ARHGAP22: variants seen among roughly 807,000 people sequenced by gnomAD.
ARHGAP22 encodes rho GTPase-activating protein 22.
Under a neutral mutation model 59.1 loss-of-function variants are expected in ARHGAP22, and 48 were observed. That is an observed-to-expected ratio of 0.81 (90% CI 0.64 to 1.03). The LOEUF (loss-of-function observed/expected upper bound fraction) is 1.03. Among genes scored for constraint, ARHGAP22 ranks in the 50% least tolerant of loss-of-function variants. The pLI is 0.00. For synonymous variants in ARHGAP22, 445 were observed against 416.4 expected (o/e 1.07, Z -0.84); for missense variants, 1,015 against 958.7 (o/e 1.06, Z -0.78).
chr10:48,572,775 A>G (rs1346174045), intron 2 of ARHGAP22, among the ~76,000 whole-genome samples: 1 of 152,154 alleles, frequency 6.6e-6, no homozygotes, highest in Non-Finnish European at 1.5e-5. Flanking sequence ...GCAATGCTTT[A>G]CGAAAAATAA....
chr10:48,504,373 G>C (rs2051855665), intron 3 of ARHGAP22, among the ~76,000 whole-genome samples: 2 of 152,198 alleles, frequency 1.3e-5, no homozygotes, highest in South Asian at 4.1e-4. Context: ...ATATGGGGTG[G>C]CCTGGATGGG....
chr10:48,528,832 G>A (rs1008835757), intron 3 of ARHGAP22, among the ~76,000 whole-genome samples: 2 of 151,992 alleles, frequency 1.3e-5, no homozygotes, highest in Non-Finnish European at 2.9e-5. Flanking sequence ...CTCTCTGTCT[G>A]TTACTTTCTT....
chr10:48,628,669 G>T (rs2061530195), intron 1 of ARHGAP22, among the ~76,000 whole-genome samples: 1 of 152,170 alleles, frequency 6.6e-6, no homozygotes, highest in African/African-American at 2.4e-5. Flanking sequence ...TGAACTTTTT[G>T]CAAGTTATCG....
At chr10:48,580,153 G>A (rs1377468693) in intron 2 of ARHGAP22, among the ~76,000 whole-genome samples, 2 of 152,176 alleles carry the variant, frequency 1.3e-5, no homozygotes, top group Middle Eastern at 3.2e-3. Flanking sequence ...ATGATTCAAC[G>A]TGCTCCCTGG....
chr10:48,603,359 T>A (rs942449696), intron 1 of ARHGAP22, among the ~76,000 whole-genome samples: 1 of 152,342 alleles, frequency 6.6e-6, no homozygotes, highest in Non-Finnish European at 1.5e-5. Context: ...CTAGTAGCTA[T>A]AGTAAAAGAA....
At chr10:48,582,492 T>TA (rs928257272) in intron 2 of ARHGAP22, among the ~76,000 whole-genome samples, 4 of 152,206 alleles carry the variant, frequency 2.6e-5, no homozygotes, top group Non-Finnish European at 5.9e-5. Context: ...AGCACCTTCT[T>TA]AAAATGTGGG....
At chr10:48,627,219 C>T (rs548724952) in intron 1 of ARHGAP22, among the ~76,000 whole-genome samples, 4 of 152,240 alleles carry the variant, frequency 2.6e-5, no homozygotes, top group Admixed American at 2.6e-4. Flanking sequence ...GTAGTGTTTT[C>T]CTGAGTTTTG....
chr10:48,547,414 G>C (rs565672799), intron 3 of ARHGAP22, among the ~76,000 whole-genome samples: 48 of 152,374 alleles, frequency 3.2e-4, no homozygotes, highest in African/African-American at 1.0e-3. Context: ...GGGGAGTTGG[G>C]GGGGAGGCCC....
intron 2 of ARHGAP22, among the ~76,000 whole-genome samples, chr10:48,573,205 G>A (rs910535304): frequency 1.3e-5 from 2 of 152,158 alleles, no homozygotes; most frequent in Non-Finnish European, 2.9e-5. Flanking sequence ...AACCTTCATA[G>A]GGTAAAGTTC....
At chr10:48,606,464 T>A (rs777905516), upstream of ARHGAP22, among the ~76,000 whole-genome samples, 4 of 152,320 alleles carry the variant, frequency 2.6e-5, no homozygotes, top group Admixed American at 6.5e-5. Context: ...CTTCAGCTAC[T>A]CCTCAGAGGG....
intron 1 of ARHGAP22, among the ~76,000 whole-genome samples, chr10:48,636,413 T>C (rs3910909): frequency 0.47 from 70,738 of 151,932 alleles, 17,046 homozygotes; most frequent in Admixed American, 0.56. Context: ...ATGGCCCTGG[T>C]CCTCTTCCAG....
At chr10:48,447,422 C>T (rs1412902796) in intron 9 of ARHGAP22, among the ~76,000 whole-genome samples, 1 of 152,208 alleles carries the variant, frequency 6.6e-6, no homozygotes, top group Non-Finnish European at 1.5e-5. Context: ...AGGGTAACTG[C>T]TCCTCAGAGC....
At chr10:48,655,140 C>G (rs1372238192), upstream of ARHGAP22, among the ~76,000 whole-genome samples, 3 of 66,964 alleles carry the variant, frequency 4.5e-5, no homozygotes, top group Admixed American at 1.7e-4. Flanking sequence ...CTCGGTGACT[C>G]AATCTCCTTC....
chr10:48,596,886 C>G (rs2060098514), intron 1 of ARHGAP22, among the ~76,000 whole-genome samples: 1 of 152,146 alleles, frequency 6.6e-6, no homozygotes, highest in South Asian at 2.1e-4. Context: ...CTTCCTCCCT[C>G]TCACACCACA....
chr10:48,619,518 G>A (rs1160396061), intron 1 of ARHGAP22, among the ~76,000 whole-genome samples: 1 of 152,174 alleles, frequency 6.6e-6, no homozygotes, highest in Non-Finnish European at 1.5e-5. Flanking sequence ...AGAGAATAGA[G>A]AGCACAGAAA....
At chr10:48,466,481 C>G (rs1184297752) in intron 4 of ARHGAP22, 2 of 151,480 alleles carry the variant, frequency 1.3e-5, no homozygotes, top group Non-Finnish European at 2.9e-5. Context: ...GCGCTCTCGC[C>G]CGCTGCGCCG....
intron 9 of ARHGAP22, among the ~76,000 whole-genome samples, chr10:48,446,859 A>G (rs930679632): frequency 6.6e-6 from 1 of 152,146 alleles, no homozygotes; most frequent in Non-Finnish European, 1.5e-5. Flanking sequence ...CAACACAATG[A>G]TCCATGCCTT....
At chr10:48,652,965 G>T (rs1163122847), upstream of ARHGAP22, among the ~76,000 whole-genome samples, 1 of 152,182 alleles carries the variant, frequency 6.6e-6, no homozygotes, top group Non-Finnish European at 1.5e-5. Context: ...TACAGTTGTG[G>T]AGAATCAAAA....
chr10:48,602,954 G>A (rs991071211), intron 1 of ARHGAP22, among the ~76,000 whole-genome samples: 2 of 152,194 alleles, frequency 1.3e-5, no homozygotes, highest in Admixed American at 1.3e-4. Context: ...ATGCATGAAC[G>A]CATGTGCACA....
Sources: allele counts gnomAD v4.1 joint callset (sites outside exome capture counted in the v4.1 genomes callset), GRCh38; gene constraint gnomAD v4.1.1; transcripts MANE v1.5; gene names NCBI Gene and HGNC (gene_info 2026-07-23, HGNC 2026-07-21).